Variants in AUTS2 observed in about 807,000 individuals in gnomAD.
The protein encoded by AUTS2 is activator of transcription and developmental regulator AUTS2.
In AUTS2, 17 loss-of-function variants were observed where a neutral mutation model predicts 112.4. That is an observed-to-expected ratio of 0.15 (90% confidence interval 0.10 to 0.23). The LOEUF is 0.23. AUTS2 is among the 10% of genes least tolerant of loss of function. The probability of loss-of-function intolerance (pLI) is 1.00; values close to 1 mark genes in which losing one functional copy is unlikely to be tolerated. For synonymous variants in AUTS2, 751 were observed against 702.7 expected (o/e 1.07, Z -1.09); for missense variants, 1,510 against 1,701.6 (o/e 0.89, Z 1.98).
chr7:70,488,403 C>G (rs1798102937), intron 5 of AUTS2, among the ~76,000 whole-genome samples: 1 of 152,124 alleles, frequency 6.6e-6, no homozygotes, highest in South Asian at 2.1e-4. Context: ...GAAGGGTAAT[C>G]CCCCCAGTCG....
chr7:70,666,230 CATT>C (rs1244126147), intron 5 of AUTS2, among the ~76,000 whole-genome samples: 6 of 152,144 alleles, frequency 3.9e-5, no homozygotes, highest in Non-Finnish European at 5.9e-5. Flanking sequence ...ATGATAATGG[CATT>C]ATGGTTTACT....
At chr7:69,948,418 G>T (rs763011158) in intron 2 of AUTS2, among the ~76,000 whole-genome samples, 2 of 152,148 alleles carry the variant, frequency 1.3e-5, no homozygotes, top group Non-Finnish European at 2.9e-5. Context: ...TGGGAACTTT[G>T]CTGCTAGTTA....
intron 1 of AUTS2, among the ~76,000 whole-genome samples, chr7:69,830,152 G>T (rs1360835062): frequency 6.6e-6 from 1 of 152,094 alleles, no homozygotes; most frequent in East Asian, 1.9e-4. Context: ...ACCAAACAGC[G>T]CATGTTCTCA....
At chr7:69,756,979 T>C (rs1000420022) in intron 1 of AUTS2, among the ~76,000 whole-genome samples, 7 of 152,186 alleles carry the variant, frequency 4.6e-5, no homozygotes, top group African/African-American at 7.2e-5. Flanking sequence ...CTAGGAAATA[T>C]TGGTTTTACT....
chr7:69,801,968 C>T (rs1045054794), intron 1 of AUTS2, among the ~76,000 whole-genome samples: 19 of 152,160 alleles, frequency 1.2e-4, no homozygotes, highest in Non-Finnish European at 2.6e-4. Flanking sequence ...GAAGGCAACT[C>T]TTGAGTAATT....
At chr7:70,681,999 C>T (rs552611979) in intron 5 of AUTS2, among the ~76,000 whole-genome samples, 14 of 152,256 alleles carry the variant, frequency 9.2e-5, no homozygotes, top group African/African-American at 1.7e-4. Context: ...TGTTCCCTAC[C>T]AGTTTTATTG....
chr7:70,726,245 G>A (rs1365752426), intron 6 of AUTS2, among the ~76,000 whole-genome samples: 1 of 151,808 alleles, frequency 6.6e-6, no homozygotes, highest in East Asian at 1.9e-4. Context: ...GACAATGGAT[G>A]TGTTTATTAG....
At chr7:70,622,457 C>T (rs62456770) in intron 5 of AUTS2, among the ~76,000 whole-genome samples, 5,188 of 152,178 alleles carry the variant, frequency 0.034, 122 homozygotes, top group South Asian at 0.057. Context: ...TCATCCCCAC[C>T]GTTGCTACCC....
At chr7:69,822,599 A>G (rs769987669) in intron 1 of AUTS2, among the ~76,000 whole-genome samples, 2 of 152,208 alleles carry the variant, frequency 1.3e-5, no homozygotes, top group African/African-American at 4.8e-5. Context: ...GACTGCTGGG[A>G]GGTGTTAAGA....
At chr7:70,717,905 C>T (rs556333998) in intron 6 of AUTS2, among the ~76,000 whole-genome samples, 1 of 152,174 alleles carries the variant, frequency 6.6e-6, no homozygotes, top group Admixed American at 6.5e-5. Flanking sequence ...CTGTTACACC[C>T]AGCGCCACCT....
At chr7:70,221,811 T>C (rs1437643431) in intron 4 of AUTS2, among the ~76,000 whole-genome samples, 1 of 152,138 alleles carries the variant, frequency 6.6e-6, no homozygotes, top group Non-Finnish European at 1.5e-5. Flanking sequence ...TACTTGAACC[T>C]GGGAGGCAGG....
chr7:70,245,170 A>ATATATATATATATATAT (rs57817453), intron 4 of AUTS2, among the ~76,000 whole-genome samples: 6 of 133,806 alleles, frequency 4.5e-5, no homozygotes, highest in African/African-American at 9.2e-5. Flanking sequence ...ATATATATAT[A>ATATATATATATATATAT]AAAAATAAAA....
At chr7:70,508,173 T>C (rs1799045430) in intron 5 of AUTS2, among the ~76,000 whole-genome samples, 2 of 152,100 alleles carry the variant, frequency 1.3e-5, no homozygotes, top group Admixed American at 1.3e-4. Flanking sequence ...TGTTGTTATG[T>C]CTAAATCCTC....
chr7:70,298,935 A>G (rs985160269), intron 4 of AUTS2, among the ~76,000 whole-genome samples: 1 of 152,248 alleles, frequency 6.6e-6, no homozygotes, highest in Non-Finnish European at 1.5e-5. Context: ...ATTTAATGCC[A>G]GCCCACACGG....
At chr7:69,641,392 A>G (rs915475235) in intron 1 of AUTS2, among the ~76,000 whole-genome samples, 2 of 152,168 alleles carry the variant, frequency 1.3e-5, no homozygotes, top group Non-Finnish European at 2.9e-5. Flanking sequence ...CATCATCTAT[A>G]TTGCCTGCAG....
At chr7:69,609,156 C>G (rs1037115689) in intron 1 of AUTS2, among the ~76,000 whole-genome samples, 1 of 152,206 alleles carries the variant, frequency 6.6e-6, no homozygotes, top group African/African-American at 2.4e-5. Context: ...GTTAGAGGCT[C>G]TCACTGTTAC....
chr7:70,207,096 T>C (rs1810612963), intron 4 of AUTS2, among the ~76,000 whole-genome samples: 1 of 152,210 alleles, frequency 6.6e-6, no homozygotes, highest in African/African-American at 2.4e-5. Flanking sequence ...TTTAAGGTCC[T>C]TCAAATAAGG....
intron 1 of AUTS2, among the ~76,000 whole-genome samples, chr7:69,725,145 T>C (rs1786445378): frequency 1.3e-5 from 2 of 152,144 alleles, no homozygotes; most frequent in Admixed American, 1.3e-4. Flanking sequence ...TTGTTCTCTA[T>C]TATAGTTGAC....
At chr7:69,697,393 T>A (rs1797603900) in intron 1 of AUTS2, among the ~76,000 whole-genome samples, 1 of 152,216 alleles carries the variant, frequency 6.6e-6, no homozygotes, top group African/African-American at 2.4e-5. Context: ...GCACTGGGGA[T>A]AAATAAAATG....
Sources: allele counts gnomAD v4.1 joint callset (sites outside exome capture counted in the v4.1 genomes callset), GRCh38; gene constraint gnomAD v4.1.1; transcripts MANE v1.5; gene names NCBI Gene and HGNC (gene_info 2026-07-23, HGNC 2026-07-21).